Variants in NETO1 observed in about 807,000 individuals in gnomAD.
The protein encoded by NETO1 is neuropilin and tolloid-like protein 1.
Under a neutral mutation model 61.3 loss-of-function variants are expected in NETO1, and 26 were observed. That is an observed-to-expected ratio of 0.42 (90% CI 0.31 to 0.59). The LOEUF is 0.59. Among genes scored for constraint, NETO1 ranks in the 20% least tolerant of loss-of-function variants. The pLI, the probability that NETO1 is intolerant of heterozygous loss-of-function variation, is 0.12. For missense variants in NETO1, 531 were observed against 662.8 expected, an observed-to-expected ratio of 0.80 and a Z score of 2.18; for synonymous variants, 225 against 225.8, an observed-to-expected ratio of 1.00 and a Z score of 0.03.
At position 72,830,088 on chromosome 18, in the gene NETO1, C is replaced by T. The variant is rs541516419; in HGVS notation, c.469+28738G>A. Among the ~76,000 whole-genome samples, 2 of 152,054 alleles carry T rather than the reference C, an allele frequency of 1.3e-5. No homozygotes were observed. The highest frequency in any genetic ancestry group is 2.4e-5 in the African/African-American group (1 of 41,392). On this transcript the variant is annotated intron_variant, in intron 4 of 10. Coordinates refer to ENST00000327305, the MANE Select transcript of NETO1 (RefSeq NM_138966.5). This position sits in a 1 kb window ranked among gnomAD's most constrained non-coding sequence, Gnocchi z 4.9. ...TCTGTGAGATTGCCTCAATTCAGGC[C>T]CACATCTACCTATGTGGCTGAAATA... is the stretch of plus-strand genomic sequence containing the variant.
intron 1 of NETO1, chr18:72,865,538 G>T (rs776633753): frequency 1.3e-5 from 20 of 1,599,390 alleles, no homozygotes; most frequent in Non-Finnish European, 8.5e-7. Flanking sequence ...ACACAGTACA[G>T]TGGGACTACA....
chr18:72,793,198 C>T (rs891591913), intron 6 of NETO1, among the ~76,000 whole-genome samples: 1 of 152,130 alleles, frequency 6.6e-6, no homozygotes, highest in African/African-American at 2.4e-5. Flanking sequence ...CACACAGTTT[C>T]AATCTCAATA....
chr18:72,826,937 G>C (rs7235679), intron 4 of NETO1, among the ~76,000 whole-genome samples: 1 of 151,852 alleles, frequency 6.6e-6, no homozygotes, highest in Non-Finnish European at 1.5e-5. Context: ...GGCTGGAACA[G>C]TGCCCGCGCT....
intron 4 of NETO1, among the ~76,000 whole-genome samples, chr18:72,831,279 C>T (rs990814760): frequency 1.3e-5 from 2 of 152,148 alleles, no homozygotes; most frequent in African/African-American, 2.4e-5. Flanking sequence ...AATGTAAAAT[C>T]CTATTTAACA....
At chr18:72,865,084 A>T in intron 2 of NETO1, 104 bp downstream of exon 2, 1 of 1,396,556 alleles carries the variant, frequency 7.2e-7, no homozygotes, top group Non-Finnish European at 9.9e-7. Context: ...AATTATACAT[A>T]TTATAACAGG....
At chr18:72,794,939 C>T (rs116609861) in intron 4 of NETO1, among the ~76,000 whole-genome samples, 2 of 152,160 alleles carry the variant, frequency 1.3e-5, no homozygotes, top group Non-Finnish European at 2.9e-5. Context: ...TCTCCTTTGG[C>T]GGACTGAACA....
chr18:72,812,305 A>G (rs1010895244), intron 4 of NETO1, among the ~76,000 whole-genome samples: 3 of 152,094 alleles, frequency 2.0e-5, no homozygotes, highest in African/African-American at 7.3e-5. Context: ...GACTTAATAA[A>G]CCTCCAAAAG....
intron 4 of NETO1, among the ~76,000 whole-genome samples, chr18:72,807,151 T>G (rs976650063): frequency 2.0e-5 from 3 of 152,204 alleles, no homozygotes; most frequent in Non-Finnish European, 4.4e-5. Context: ...CATATCACCA[T>G]GTTTTAAACT....
chr18:72,836,406 T>C (rs1463166079), intron 4 of NETO1, among the ~76,000 whole-genome samples: 1 of 152,186 alleles, frequency 6.6e-6, no homozygotes, highest in African/African-American at 2.4e-5. Flanking sequence ...CCCCACTTAT[T>C]GTAACTTTAA....
At chr18:72,786,870 C>T (rs1333510085) in intron 6 of NETO1, among the ~76,000 whole-genome samples, 3 of 150,238 alleles carry the variant, frequency 2.0e-5, no homozygotes, top group African/African-American at 7.3e-5. Context: ...CTGGAGGTTG[C>T]GCCACTGCAC....
chr18:72,793,983 A>G (rs1039385973), intron 6 of NETO1, 134 bp downstream of exon 6: 1 of 1,187,136 alleles, frequency 8.4e-7, no homozygotes, highest in African/African-American at 1.5e-5. Context: ...CATCTCAAAA[A>G]CCAAAATGAA....
At chr18:72,794,867 A>G (rs1568206247) in intron 4 of NETO1, among the ~76,000 whole-genome samples, 1 of 152,246 alleles carries the variant, frequency 6.6e-6, no homozygotes, top group Non-Finnish European at 1.5e-5. Context: ...TGTAAAGTGT[A>G]GTAACACAGT....
intron 4 of NETO1, among the ~76,000 whole-genome samples, chr18:72,813,953 T>G (rs780144128): frequency 2.0e-5 from 3 of 152,104 alleles, no homozygotes; most frequent in Non-Finnish European, 4.4e-5. Flanking sequence ...AAAGGAGTGG[T>G]AATTAGGTTG....
intron 6 of NETO1, among the ~76,000 whole-genome samples, chr18:72,793,229 G>A (rs1228537194): frequency 1.3e-5 from 2 of 152,182 alleles, no homozygotes; most frequent in Non-Finnish European, 2.9e-5. Context: ...TACAAATCTA[G>A]TAAGTCAATA....
Position 72,791,648 on chromosome 18 carries a change from G to A in NETO1, c.639+2469C>T, listed in dbSNP as rs541004488. ...AGTCTATTTACCAGCTGGAAGAAAAGGGTGTGCATTTACACTGTCATGAAA... is the reference window on the plus strand; with the variant it reads ...AGTCTATTTACCAGCTGGAAGAAAAAGGTGTGCATTTACACTGTCATGAAA... On this transcript the variant is annotated intron_variant, in intron 6 of 10. Coordinates refer to ENST00000327305, the MANE Select transcript of NETO1 (RefSeq NM_138966.5). Among the ~76,000 whole-genome samples, 42 of 152,300 alleles carry A rather than the reference G, an allele frequency of 2.8e-4. No homozygotes were observed. In the East Asian group the frequency reaches 7.9e-3, roughly 29 times the overall value.
In NETO1 at chr18:72,745,822, A is replaced by T. The variant is rs2070419633; in HGVS notation, c.*2357T>A. The T allele has an allele frequency of 6.6e-6, 1 of 152,250 alleles. No homozygotes were observed. The highest frequency in any genetic ancestry group is 1.5e-5 in the Non-Finnish European group (1 of 68,056). 9.4% of individuals were successfully genotyped at this position (152,250 alleles called of 1,614,324 possible). Reference sequence around the variant, plus strand: ...CCAGGAGAAAAGGCTACCTCCAGACACTGCCCAGCATCGTCATTATCTTCT... The same window carrying T: ...CCAGGAGAAAAGGCTACCTCCAGACTCTGCCCAGCATCGTCATTATCTTCT... On this transcript the variant is annotated 3_prime_UTR_variant, in exon 11 of 11. Coordinates refer to ENST00000327305, the MANE Select transcript of NETO1 (RefSeq NM_138966.5).
At position 72,770,038 on chromosome 18, in the gene NETO1, C is replaced by T. The variant is rs139723426; in HGVS notation, c.868+13640G>A. ...TTGTTTCCTATAAGCAGTGCATATG[C>T]TTTTATTTCAAGATTCCATCTCCAA... On this transcript the variant is annotated intron_variant, in intron 7 of 10. Transcript: ENST00000327305. Among the ~76,000 whole-genome samples, 11 of 152,032 alleles carry T rather than the reference C, an allele frequency of 7.2e-5. No individual in the cohort carries two copies. The East Asian group carries it at 1.9e-3, about 27-fold the overall frequency.
chr18:72,794,491 A>G, intron 4 of NETO1, 87 bp from the exon 5 acceptor site: 4 of 1,311,008 alleles, frequency 3.1e-6, no homozygotes, highest in Non-Finnish European at 1.1e-6. Context: ...AGTTTTCCAG[A>G]AATCTACCTT....
intron 4 of NETO1, among the ~76,000 whole-genome samples, chr18:72,813,754 G>A (rs906019053): frequency 3.9e-5 from 6 of 152,068 alleles, no homozygotes; most frequent in Non-Finnish European, 1.5e-5. Context: ...GACAGATGAA[G>A]AGTGAGAAAA....
Sources: gnomAD v4.1 joint callset for allele counts (sites outside exome capture counted in the v4.1 genomes callset) on GRCh38, gnomAD v4.1.1 for gene constraint, Gnocchi (gnomAD v3.1) non-coding constraint, MANE v1.5 for transcripts, NCBI Gene and HGNC (gene_info 2026-07-23, HGNC 2026-07-21) for gene names.